KIF16B: variants seen among roughly 807,000 people sequenced by gnomAD.
KIF16B encodes the protein kinesin-like protein KIF16B.
Under a neutral mutation model 156.3 loss-of-function variants are expected in KIF16B, and 98 were observed. The ratio of observed to expected loss-of-function variants is 0.63; its 90% CI spans 0.53 to 0.74. The LOEUF (loss-of-function observed/expected upper bound fraction) is 0.74. KIF16B is among the 30% of genes least tolerant of loss of function. The pLI is 0.00. For missense variants in KIF16B, 1,421 were observed against 1,606.5 expected (o/e 0.88, Z 1.97); for synonymous variants, 564 against 583.7 (o/e 0.97, Z 0.49).
intron 12 of KIF16B, among the ~76,000 whole-genome samples, chr20:16,444,442 C>T (rs6111127): frequency 0.055 from 8,378 of 152,094 alleles, 764 homozygotes; most frequent in African/African-American, 0.19. Context: ...AATTTCAATG[C>T]CCATAAAGCT....
intron 12 of KIF16B, among the ~76,000 whole-genome samples, chr20:16,448,703 C>T (rs1051552668): frequency 6.6e-6 from 1 of 152,126 alleles, no homozygotes; most frequent in African/African-American, 2.4e-5. Flanking sequence ...CAACAATAGC[C>T]CACGACAAGA....
At chr20:16,531,900 T>C (rs943119277) in intron 1 of KIF16B, among the ~76,000 whole-genome samples, 1 of 151,974 alleles carries the variant, frequency 6.6e-6, no homozygotes. Context: ...AAACCCCGCC[T>C]CTACTAAAAA....
chr20:16,380,218 T>G, intron 18 of KIF16B, 55 bp from the exon 19 acceptor site: 1 of 1,401,506 alleles, frequency 7.1e-7, no homozygotes. Context: ...AATGTTGCTC[T>G]AACTTTACTG....
rs531494842 is a variant in KIF16B at position 16,356,522 on chromosome 20, G to A, written c.3499-70C>T. On this transcript the variant is annotated intron_variant, in intron 22 of 25. Coordinates refer to ENST00000354981, the MANE Select transcript of KIF16B (RefSeq NM_024704.5). ...TCACTCCACTGCAAATATCCTGCTC[G>A]GGTAGGAGGGAGAAAATGTGTTTCA... 1.5e-5 allele frequency: 23 copies of A among 1,551,820 alleles called. No individual in the cohort carries two copies. In the South Asian group the frequency reaches 1.8e-4, roughly 12 times the overall value.
chr20:16,459,977 T>C (rs556567323), intron 12 of KIF16B, among the ~76,000 whole-genome samples: 8 of 152,158 alleles, frequency 5.3e-5, no homozygotes, highest in Non-Finnish European at 1.2e-4. Context: ...TTTAAGAGAA[T>C]AAGAGGACAC....
At chr20:16,496,421 A>C (rs1186748713) in intron 11 of KIF16B, among the ~76,000 whole-genome samples, 1 of 152,262 alleles carries the variant, frequency 6.6e-6, no homozygotes, top group East Asian at 1.9e-4. Context: ...CATTTAAACG[A>C]AATAATATCC....
chr20:16,326,017 T>C (rs2063841911), intron 24 of KIF16B, among the ~76,000 whole-genome samples: 1 of 152,144 alleles, frequency 6.6e-6, no homozygotes, highest in African/African-American at 2.4e-5. Context: ...CAACTGATCT[T>C]TGACAAAGCA....
At chr20:16,541,670 C>A (rs183710378) in intron 1 of KIF16B, among the ~76,000 whole-genome samples, 1 of 152,314 alleles carries the variant, frequency 6.6e-6, no homozygotes, top group East Asian at 1.9e-4. Context: ...AAGCAGACAT[C>A]TGTGGGAGTA....
intron 24 of KIF16B, among the ~76,000 whole-genome samples, chr20:16,321,455 T>C (rs1409547129): frequency 6.6e-6 from 1 of 152,144 alleles, no homozygotes; most frequent in Non-Finnish European, 1.5e-5. Context: ...TAAAAACTTC[T>C]CTAGTTCCTA....
chr20:16,371,724 G>A lies in KIF16B; in HGVS notation c.3388C>T (p.Leu1130Phe). The change falls in exon 21 of 26, where the codon CTT becomes TTT. Residue 1130 changes from leucine to phenylalanine, a missense_variant. Leu to Phe is a conservative substitution (Grantham distance 22). Transcript: ENST00000354981. ...AYIEEEVQRRLQDLHRVISEG... is the reference protein window; with the variant it reads ...AYIEEEVQRRFQDLHRVISEG... ...CTAATCACACGATGCAAATCCTGAA[G>A]GCGTCTTTGGACTTCTTCTTCAATG... is the stretch of plus-strand genomic sequence containing the variant. 6.2e-7 allele frequency: 1 copy of A among 1,614,010 alleles called. No individual in the cohort carries two copies. The highest frequency in any genetic ancestry group is 1.1e-5 in the South Asian group (1 of 91,068).
intron 12 of KIF16B, among the ~76,000 whole-genome samples, chr20:16,449,620 T>C (rs902752029): frequency 6.6e-6 from 1 of 152,182 alleles, no homozygotes; most frequent in Non-Finnish European, 1.5e-5. Flanking sequence ...AAGCAAGCAT[T>C]AAAACCAGTT....
At chr20:16,319,693 G>T (rs552450708) in intron 24 of KIF16B, among the ~76,000 whole-genome samples, 1 of 152,162 alleles carries the variant, frequency 6.6e-6, no homozygotes, top group Non-Finnish European at 1.5e-5. Flanking sequence ...AATCTCTGAG[G>T]GGGGCCAGTC....
intron 17 of KIF16B, among the ~76,000 whole-genome samples, chr20:16,383,118 A>G (rs1392129624): frequency 6.6e-6 from 1 of 151,932 alleles, no homozygotes; most frequent in Non-Finnish European, 1.5e-5. Flanking sequence ...CTGTTTCCTG[A>G]GCAGCTGGGA....
At chr20:16,402,382 T>C (rs1600299186) in intron 17 of KIF16B, among the ~76,000 whole-genome samples, 1 of 152,214 alleles carries the variant, frequency 6.6e-6, no homozygotes, top group Non-Finnish European at 1.5e-5. Flanking sequence ...TTACTGGCAA[T>C]GGTGCCCCCG....
intron 1 of KIF16B, among the ~76,000 whole-genome samples, chr20:16,540,510 C>A (rs2070155488): frequency 6.6e-6 from 1 of 151,998 alleles, no homozygotes; most frequent in Admixed American, 6.6e-5. Context: ...AGCTACTGAC[C>A]CTCTTCTCCT....
chr20:16,291,744 C>T (rs1023231289), intron 25 of KIF16B, among the ~76,000 whole-genome samples: 1 of 152,204 alleles, frequency 6.6e-6, no homozygotes, highest in African/African-American at 2.4e-5. Context: ...TAAGCTATTA[C>T]TTAAATATGC....
At chr20:16,332,999 A>T (rs535907664) in intron 24 of KIF16B, among the ~76,000 whole-genome samples, 1 of 152,268 alleles carries the variant, frequency 6.6e-6, no homozygotes, top group South Asian at 2.1e-4. Context: ...TAAGTGTATA[A>T]ATAAAACCAC....
At chr20:16,536,433 A>G (rs6044087) in intron 1 of KIF16B, among the ~76,000 whole-genome samples, 80,131 of 151,996 alleles carry the variant, frequency 0.53, 21,258 homozygotes, top group Non-Finnish European at 0.55. Context: ...AAGCAAAGCA[A>G]GCTGACTACA....
rs1478816743 is a variant in KIF16B, at chr20:16,506,092, C to T, written c.798G>A (p.Gly266=). ...SERADATGAT[G]VRLKEGGNIN... ...TATTTCCCCCTTCCTTTAGCCTAAC[C>T]CCGGTGGCTCCGGTGGCATCTGCAC... is the stretch of plus-strand genomic sequence containing the variant. Residue 266 remains glycine, a synonymous_variant, in exon 8 of 26, where the codon GGG becomes GGA. Transcript: ENST00000354981. The T allele has an allele frequency of 5.0e-6, 8 of 1,613,888 alleles. No homozygotes were observed. Among genetic ancestry groups the T allele is most frequent in the East Asian group, 4.5e-5 (2 of 44,880 alleles).
Sources: gnomAD v4.1 joint callset for allele counts (sites outside exome capture counted in the v4.1 genomes callset) on GRCh38, gnomAD v4.1.1 for gene constraint, MANE v1.5 for transcripts, NCBI Gene and HGNC (gene_info 2026-07-23, HGNC 2026-07-21) for gene names.